The following RASGRF2 variants were observed in gnomAD, a reference collection of about 807,000 sequenced individuals.
RASGRF2 encodes the protein Ras protein specific guanine nucleotide releasing factor 2.
Under a neutral mutation model 151.0 loss-of-function variants are expected in RASGRF2, and 76 were observed. That is an observed-to-expected ratio of 0.50 (90% CI 0.42 to 0.61). The LOEUF is 0.61. RASGRF2 is among the 20% of genes least tolerant of loss of function. The probability of loss-of-function intolerance (pLI) is 0.00; values close to 1 mark genes in which losing one functional copy is unlikely to be tolerated. For missense variants in RASGRF2, 1,148 were observed against 1,564.6 expected, an observed-to-expected ratio of 0.73 and a Z score of 4.49; for synonymous variants, 504 against 566.5, an observed-to-expected ratio of 0.89 and a Z score of 1.57.
chr5:80,974,498 C>CCTCATTGAGCCAGTGT, intron 1 of RASGRF2, among the ~76,000 whole-genome samples: 1 of 152,184 alleles, frequency 6.6e-6, no homozygotes, highest in East Asian at 1.9e-4. Context: ...TGTGCCAGGG[C>CCTCATTGAGCCAGTGT]CTCATTGAGC....
intron 12 of RASGRF2, among the ~76,000 whole-genome samples, chr5:81,104,569 A>T (rs1398520949): frequency 6.6e-6 from 1 of 152,080 alleles, no homozygotes; most frequent in Non-Finnish European, 1.5e-5. Flanking sequence ...TTCAAGTTAA[A>T]TATTGTTCCA....
intron 2 of RASGRF2, among the ~76,000 whole-genome samples, chr5:81,052,523 T>C (rs550854954): frequency 6.6e-6 from 1 of 152,308 alleles, no homozygotes; most frequent in South Asian, 2.1e-4. Flanking sequence ...AAGATGCTTG[T>C]GTTTCCATTT....
At chr5:81,031,058 A>G (rs1750226778) in intron 1 of RASGRF2, among the ~76,000 whole-genome samples, 1 of 152,254 alleles carries the variant, frequency 6.6e-6, no homozygotes, top group Non-Finnish European at 1.5e-5. Context: ...AAAGAAGGCC[A>G]TTACATAATG....
intron 23 of RASGRF2, among the ~76,000 whole-genome samples, chr5:81,212,957 CT>C (rs1488577948): frequency 6.6e-6 from 1 of 152,218 alleles, no homozygotes; most frequent in Non-Finnish European, 1.5e-5. Context: ...TCACCTTTCT[CT>C]TGCTCATTCC....
At chr5:81,093,789 C>T (rs986040760) in intron 10 of RASGRF2, among the ~76,000 whole-genome samples, 1 of 152,112 alleles carries the variant, frequency 6.6e-6, no homozygotes, top group African/African-American at 2.4e-5. Context: ...TCTGTGGCTG[C>T]TTTTATGCTA....
At chr5:81,164,093 A>G (rs573455080) in intron 17 of RASGRF2, among the ~76,000 whole-genome samples, 12 of 152,346 alleles carry the variant, frequency 7.9e-5, no homozygotes, top group Non-Finnish European at 1.5e-5. Flanking sequence ...ATAAGTAAAC[A>G]CTGAGTGATG....
Position 81,229,496 on chromosome 5 carries a change from G to A in RASGRF2, c.*3726G>A, listed in dbSNP as rs1302259701. ...TGACTTAAAATTAAGATGAGGCAGAGCCAAAATGGAAAACAGTCATTTTGT... is the reference window on the plus strand; with the variant it reads ...TGACTTAAAATTAAGATGAGGCAGAACCAAAATGGAAAACAGTCATTTTGT... On this transcript the variant is annotated 3_prime_UTR_variant, in exon 27 of 27. Coordinates refer to ENST00000265080, the MANE Select transcript of RASGRF2 (RefSeq NM_006909.3). 1.3e-5 allele frequency: 2 copies of A among 152,196 alleles called. No individual in the cohort carries two copies. Among genetic ancestry groups the A allele is most frequent in the Non-Finnish European group, 2.9e-5 (2 of 68,034 alleles). The allele number at this position is 152,196 out of a possible 1,614,324, so 9.4% of individuals were successfully genotyped here.
intron 18 of RASGRF2, 40 bp downstream of exon 18, chr5:81,180,321 T>TA: frequency 2.4e-6 from 3 of 1,244,578 alleles, no homozygotes; most frequent in South Asian, 2.4e-5. Flanking sequence ...AAGGATTTTT[T>TA]AAAAAATCAT....
At chr5:81,060,233 G>A (rs1751384919) in intron 2 of RASGRF2, among the ~76,000 whole-genome samples, 1 of 152,056 alleles carries the variant, frequency 6.6e-6, no homozygotes, top group Admixed American at 6.6e-5. Flanking sequence ...GTGTGACACA[G>A]ATCTAAACCA....
At chr5:80,989,862 A>C (rs1748591709) in intron 1 of RASGRF2, among the ~76,000 whole-genome samples, 1 of 152,214 alleles carries the variant, frequency 6.6e-6, no homozygotes, top group Non-Finnish European at 1.5e-5. Flanking sequence ...TGGTGGTAAA[A>C]TACAATTACA....
chr5:81,016,805 G>A (rs1561556078), intron 1 of RASGRF2, among the ~76,000 whole-genome samples: 1 of 152,100 alleles, frequency 6.6e-6, no homozygotes, highest in Non-Finnish European at 1.5e-5. Flanking sequence ...TCTACTCTAT[G>A]TGTTGTCTTC....
At chr5:81,055,009 G>C (rs1215318359) in intron 2 of RASGRF2, among the ~76,000 whole-genome samples, 1 of 152,198 alleles carries the variant, frequency 6.6e-6, no homozygotes, top group Non-Finnish European at 1.5e-5. Context: ...TTGCTTATCA[G>C]CTTAAGGAGA....
intron 2 of RASGRF2, among the ~76,000 whole-genome samples, chr5:81,060,286 G>T (rs897816809): frequency 2.6e-5 from 4 of 152,142 alleles, no homozygotes; most frequent in Non-Finnish European, 4.4e-5. Context: ...TCATTCCCTA[G>T]ACAGGCTAGG....
intron 17 of RASGRF2, among the ~76,000 whole-genome samples, chr5:81,164,538 A>G (rs1484763665): frequency 2.6e-5 from 4 of 151,830 alleles, no homozygotes; most frequent in Non-Finnish European, 4.4e-5. Flanking sequence ...TTTTGACTTG[A>G]TTTGGCAGAA....
chr5:81,087,003 A>G (rs372088217), intron 9 of RASGRF2, 50 bp downstream of exon 9: 52 of 1,505,106 alleles, frequency 3.5e-5, no homozygotes, highest in Non-Finnish European at 1.8e-5. Context: ...TGCGGCTGTC[A>G]CATGATCTCG....
At chr5:81,130,683 C>T (rs1341622606) in intron 17 of RASGRF2, among the ~76,000 whole-genome samples, 1 of 152,042 alleles carries the variant, frequency 6.6e-6, no homozygotes, top group African/African-American at 2.4e-5. Flanking sequence ...GAGTCAACTC[C>T]CAAACAGACT....
chr5:81,215,363 C>T (rs1232017556), intron 23 of RASGRF2, among the ~76,000 whole-genome samples: 8 of 151,572 alleles, frequency 5.3e-5, no homozygotes, highest in African/African-American at 1.5e-4. Context: ...CTCCGCCTCC[C>T]GGGTTCAAGT....
At chr5:81,081,382 C>A (rs972715129) in intron 7 of RASGRF2, among the ~76,000 whole-genome samples, 3 of 152,216 alleles carry the variant, frequency 2.0e-5, no homozygotes, top group African/African-American at 7.2e-5. Context: ...CAGGTGGCCG[C>A]AGGGGCTCCC....
chr5:80,995,250 C>A (rs1250010266), intron 1 of RASGRF2, among the ~76,000 whole-genome samples: 12 of 84,700 alleles, frequency 1.4e-4, no homozygotes, highest in Non-Finnish European at 2.6e-4. Flanking sequence ...AGCCAGACTC[C>A]GTCTCAAAAA....
Sources: allele counts gnomAD v4.1 joint callset (sites outside exome capture counted in the v4.1 genomes callset), GRCh38; gene constraint gnomAD v4.1.1; transcripts MANE v1.5; gene names NCBI Gene and HGNC (gene_info 2026-07-23, HGNC 2026-07-21).